BMP2K: variants seen among roughly 807,000 people sequenced by gnomAD.
BMP2K encodes BMP-2-inducible protein kinase.
Under a neutral mutation model 116.0 loss-of-function variants are expected in BMP2K, and 74 were observed. The ratio of observed to expected loss-of-function variants is 0.64; its 90% CI spans 0.53 to 0.77. The LOEUF (loss-of-function observed/expected upper bound fraction) is 0.77. Ranked by LOEUF, BMP2K falls within the 30% of genes least tolerant of loss-of-function variation. The pLI, the probability that BMP2K is intolerant of heterozygous loss-of-function variation, is 0.00. For synonymous variants in BMP2K, 486 were observed against 502.5 expected (o/e 0.97, Z 0.44); for missense variants, 1,365 against 1,403.6 (o/e 0.97, Z 0.44).
chr4:78,852,617 C>T (rs946090844), intron 7 of BMP2K, among the ~76,000 whole-genome samples: 1 of 151,918 alleles, frequency 6.6e-6, no homozygotes, highest in African/African-American at 2.4e-5. Flanking sequence ...TCTTTGTCTT[C>T]TTCAAGAGAC....
chr4:78,886,412 C>A (rs1733087675), intron 14 of BMP2K, among the ~76,000 whole-genome samples: 1 of 152,184 alleles, frequency 6.6e-6, no homozygotes, highest in African/African-American at 2.4e-5. Flanking sequence ...ACATTTTTCT[C>A]TATAGCTTTT....
chr4:78,865,694 G>A lies in BMP2K; in HGVS notation c.1205G>A (p.Gly402Asp). Residue 402 changes from glycine to aspartate, a missense_variant, in exon 10 of 16, where the codon GGT becomes GAT. Around this residue, in one of 3 missense-constraint regions of BMP2K, gnomAD observed 762 missense variants for 756.7 expected, o/e 1.01. Coordinates refer to ENST00000502613, the MANE Select transcript of BMP2K (RefSeq NM_198892.2). ...SATPVKVLAP[G>D]EFGNHRPKGA... ...ACACCTGTTAAAGTCCTTGCTCCTGGTGAATTCGGTAACCATAGACCAAAA... is the reference window on the plus strand; with the variant it reads ...ACACCTGTTAAAGTCCTTGCTCCTGATGAATTCGGTAACCATAGACCAAAA... 6.2e-7 allele frequency: 1 copy of A among 1,614,064 alleles called. No homozygotes were observed. The highest frequency in any genetic ancestry group is 1.3e-5 in the African/African-American group (1 of 75,022).
At chr4:78,904,652 T>G (rs1242965500) in intron 15 of BMP2K, among the ~76,000 whole-genome samples, 1 of 151,928 alleles carries the variant, frequency 6.6e-6, no homozygotes, top group Non-Finnish European at 1.5e-5. Flanking sequence ...AAGATGGGGA[T>G]TTGCTCTCAT....
At chr4:78,829,753 A>ATCCTTTTCTTTTCTTTTCTTT (rs1553915806) in intron 2 of BMP2K, among the ~76,000 whole-genome samples, 12 of 122,092 alleles carry the variant, frequency 9.8e-5, no homozygotes, top group African/African-American at 3.4e-4. Flanking sequence ...CATGGAAACA[A>ATCCTTTTCTTTTCTTTTCTTT]TCTTTTCTTT....
intron 2 of BMP2K, among the ~76,000 whole-genome samples, chr4:78,828,167 C>A (rs941309707): frequency 1.3e-5 from 2 of 152,210 alleles, no homozygotes; most frequent in Non-Finnish European, 2.9e-5. Context: ...CTGAGTCTTC[C>A]AGCCTTCACC....
intron 1 of BMP2K, among the ~76,000 whole-genome samples, chr4:78,786,590 G>A (rs1367056665): frequency 6.6e-6 from 1 of 152,038 alleles, no homozygotes. Flanking sequence ...GTGCCACCTT[G>A]CCACACTTCT....
At chr4:78,788,984 A>ATT (rs199715845) in intron 1 of BMP2K, among the ~76,000 whole-genome samples, 1 of 144,862 alleles carries the variant, frequency 6.9e-6, no homozygotes, top group African/African-American at 2.6e-5. Flanking sequence ...AATTTCACTG[A>ATT]TTTTTTTCTT....
At chr4:78,801,735 T>C (rs1025141647) in intron 1 of BMP2K, among the ~76,000 whole-genome samples, 1 of 152,218 alleles carries the variant, frequency 6.6e-6, no homozygotes, top group Non-Finnish European at 1.5e-5. Context: ...ACTAAAGTTA[T>C]AACTCTGTGC....
chr4:78,849,468 T>C (rs1427786847), intron 6 of BMP2K, among the ~76,000 whole-genome samples: 1 of 151,642 alleles, frequency 6.6e-6, no homozygotes. Context: ...ACATTTACTC[T>C]AACACAAGAC....
intron 10 of BMP2K, among the ~76,000 whole-genome samples, chr4:78,867,455 C>A (rs1168704800): frequency 6.6e-6 from 1 of 152,158 alleles, no homozygotes; most frequent in Admixed American, 6.5e-5. Flanking sequence ...CAGGCCTAAT[C>A]CTGATGTCAG....
chr4:78,875,251 A>G (rs952312932), intron 13 of BMP2K, among the ~76,000 whole-genome samples: 2 of 152,248 alleles, frequency 1.3e-5, no homozygotes, highest in Non-Finnish European at 2.9e-5. Context: ...GTGGAAGAAG[A>G]GAATTGGGGT....
intron 14 of BMP2K, among the ~76,000 whole-genome samples, chr4:78,880,508 G>A (rs938347385): frequency 6.6e-6 from 1 of 152,068 alleles, no homozygotes; most frequent in Non-Finnish European, 1.5e-5. Flanking sequence ...CAACTGCTTA[G>A]GTAAAAAATT....
intron 15 of BMP2K, among the ~76,000 whole-genome samples, chr4:78,896,492 A>G (rs1477924714): frequency 6.6e-6 from 1 of 152,194 alleles, no homozygotes; most frequent in African/African-American, 2.4e-5. Flanking sequence ...GTAATAGTCC[A>G]TAACATGTGA....
intron 1 of BMP2K, among the ~76,000 whole-genome samples, chr4:78,795,927 T>G (rs1206985783): frequency 6.6e-6 from 1 of 151,398 alleles, no homozygotes; most frequent in African/African-American, 2.4e-5. Flanking sequence ...ATAGGAACAC[T>G]TTGACACTGT....
chr4:78,871,915 A>T lies in BMP2K; in HGVS notation c.1575A>T (p.Gln525His), dbSNP rs759228887. ...QQQFLMHSVY[Q>H]PQPSASQYPT... ...AATTTTTAATGCATTCGGTATATCA[A>T]CCACAACCTTCTGCATCACAGTATC... The change falls in exon 12 of 16, where the codon CAA becomes CAT. Residue 525 changes from glutamine (Q) to histidine (H), a missense_variant. Gln to His is a conservative substitution (Grantham distance 24, BLOSUM62 0). Transcript: ENST00000502613. 6.2e-7 allele frequency: 1 copy of T among 1,612,394 alleles called. No individual in the cohort carries two copies. The highest frequency in any genetic ancestry group is 1.7e-5 in the Admixed American group (1 of 59,808).
chr4:78,876,927 T>G (rs142931318), intron 13 of BMP2K, among the ~76,000 whole-genome samples: 34 of 152,336 alleles, frequency 2.2e-4, no homozygotes, highest in African/African-American at 7.9e-4. Context: ...TTATTGCTCT[T>G]ACGCTACAAA....
intron 13 of BMP2K, 89 bp downstream of exon 13, chr4:78,872,887 GT>G: frequency 1.5e-6 from 2 of 1,348,230 alleles, no homozygotes; most frequent in Non-Finnish European, 2.0e-6. Context: ...TCTTAAATTA[GT>G]TTAGAATTTA....
rs1577950794 is a variant in BMP2K, at chr4:78,876,358, G to A, written c.1794-2376G>A. ...AGGCAGGCTCAGACTGGCAGTTAAT[G>A]CATCCAGAATGGACTTTAAACTGAA... On this transcript the variant is annotated intron_variant, in intron 13 of 15. Coordinates refer to ENST00000502613, the MANE Select transcript of BMP2K (RefSeq NM_198892.2). Among the ~76,000 whole-genome samples, 5 of 152,198 alleles carry A rather than the reference G, an allele frequency of 3.3e-5. 1 individual carries two copies. The highest frequency in any genetic ancestry group is 1.2e-4 in the African/African-American group (5 of 41,524).
chr4:78,886,447 A>G (rs1733090838), intron 14 of BMP2K, among the ~76,000 whole-genome samples: 1 of 152,178 alleles, frequency 6.6e-6, no homozygotes. Context: ...ATTTCTTATT[A>G]TGCCTATTGC....
Sources: allele counts gnomAD v4.1 joint callset (sites outside exome capture counted in the v4.1 genomes callset), GRCh38; gene constraint gnomAD v4.1.1; regional missense constraint gnomAD v4.1.1; transcripts MANE v1.5; gene names NCBI Gene and HGNC (gene_info 2026-07-23, HGNC 2026-07-21).